Variants in PGM2 observed in about 807,000 individuals in gnomAD.
The protein encoded by PGM2 is phosphoglucomutase 2.
Under a neutral mutation model 74.6 loss-of-function variants are expected in PGM2, and 57 were observed. The ratio of observed to expected loss-of-function variants is 0.76; its 90% CI spans 0.62 to 0.95. The LOEUF (loss-of-function observed/expected upper bound fraction) is 0.95, where lower values mean the gene tolerates loss of function less well. Among genes scored for constraint, PGM2 ranks in the 40% least tolerant of loss-of-function variants. The pLI, the probability that PGM2 is intolerant of heterozygous loss-of-function variation, is 0.00. For missense variants in PGM2, 706 were observed against 741.9 expected, an observed-to-expected ratio of 0.95 and a Z score of 0.56; for synonymous variants, 273 against 260.7, an observed-to-expected ratio of 1.05 and a Z score of -0.46.
At chr4:37,847,857 G>A (rs1411793167) in intron 10 of PGM2, among the ~76,000 whole-genome samples, 1 of 152,132 alleles carries the variant, frequency 6.6e-6, no homozygotes. Context: ...TGTACCAAAC[G>A]CTTTTAGCTA....
intron 6 of PGM2, among the ~76,000 whole-genome samples, chr4:37,840,583 G>A (rs1168269194): frequency 6.6e-6 from 1 of 151,972 alleles, no homozygotes; most frequent in African/African-American, 2.4e-5. Flanking sequence ...CAAGGTGTTG[G>A]CATGTTGGCC....
At chr4:37,850,680 G>A (rs11938576) in intron 12 of PGM2, among the ~76,000 whole-genome samples, 120,049 of 151,768 alleles carry the variant, frequency 0.79, 47,967 homozygotes, top group African/African-American at 0.87. Flanking sequence ...GTTAAAAACC[G>A]CAGGCTAGAA....
intron 4 of PGM2, among the ~76,000 whole-genome samples, chr4:37,838,036 A>G (rs778586235): frequency 2.7e-4 from 41 of 151,660 alleles, no homozygotes; most frequent in South Asian, 6.3e-4. Context: ...GCCTGCCATC[A>G]CTCCCAGCTA....
chr4:37,836,442 A>C (rs905325759), intron 3 of PGM2, among the ~76,000 whole-genome samples: 3 of 152,238 alleles, frequency 2.0e-5, no homozygotes, highest in African/African-American at 7.2e-5. Context: ...GGAGATGTTT[A>C]TCCTTTAATC....
At chr4:37,829,539 A>G (rs991595226) in intron 1 of PGM2, among the ~76,000 whole-genome samples, 2 of 152,230 alleles carry the variant, frequency 1.3e-5, no homozygotes, top group Non-Finnish European at 2.9e-5. Context: ...GTAGAGAAAG[A>G]TATTTTACAT....
rs546635694 is a variant in PGM2, at chr4:37,830,268, A to G, written c.249+137A>G. 45 of 564,748 alleles carry G rather than the reference A, an allele frequency of 8.0e-5. No homozygotes were observed. The South Asian group carries it at 1.3e-3, about 17-fold the overall frequency. The allele number at this position is 564,748 out of a possible 1,614,324, so 35.0% of individuals were successfully genotyped here. On this transcript the variant is annotated intron_variant, in intron 2 of 13. Transcript: ENST00000381967. ...ACAGGAAGTCACCACCATTTACTCCATAAAGTAAGGCTTGCACAATAGGTC... is the reference window on the plus strand; with the variant it reads ...ACAGGAAGTCACCACCATTTACTCCGTAAAGTAAGGCTTGCACAATAGGTC...
At chr4:37,843,309 C>G (rs1269492421) in intron 6 of PGM2, among the ~76,000 whole-genome samples, 1 of 152,094 alleles carries the variant, frequency 6.6e-6, no homozygotes, top group Non-Finnish European at 1.5e-5. Flanking sequence ...CCAGATTTTT[C>G]TTCCCTAATC....
chr4:37,850,054 C>G (rs1368967682), intron 11 of PGM2, 130 bp from the exon 12 acceptor site: 2 of 564,116 alleles, frequency 3.5e-6, no homozygotes, highest in Non-Finnish European at 6.1e-6. Context: ...TCACAAAGTG[C>G]TGGGATTACA....
rs1211842434 is a variant in PGM2 at position 37,839,906 on chromosome 4, A to G, written c.500A>G (p.Asn167Ser). ...CAGIMITASH[N>S]PKQDNGYKVY... is the part of the protein sequence containing the mutation. The stretch of plus-strand genomic sequence containing the variant: ...GGAATCATGATAACTGCATCTCACA[A>G]TCCAAAGCAGGATAATGGTTATAAG... The change falls in exon 5 of 14, where the codon AAT becomes AGT. Residue 167 changes from asparagine to serine, a missense_variant. By Grantham distance (46) the Asn-to-Ser change is conservative (BLOSUM62 1). Around this residue, in one of 3 missense-constraint regions of PGM2, gnomAD observed 332 missense variants for 334.9 expected, o/e 0.99. Transcript: ENST00000381967. 4 of 1,603,286 alleles carry G rather than the reference A, an allele frequency of 2.5e-6. No individual in the cohort carries two copies. Among genetic ancestry groups the G allele is most frequent in the Admixed American group, 1.7e-5 (1 of 60,006 alleles).
chr4:37,837,479 G>A (rs1725597905), intron 3 of PGM2, 50 bp from the exon 4 acceptor site: 1 of 1,049,634 alleles, frequency 9.5e-7, no homozygotes, highest in Non-Finnish European at 1.5e-6. Flanking sequence ...ATCACTCACA[G>A]TCCTGATCAC....
intron 8 of PGM2, among the ~76,000 whole-genome samples, chr4:37,846,484 A>G (rs1725875290): frequency 6.6e-6 from 1 of 152,210 alleles, no homozygotes; most frequent in African/African-American, 2.4e-5. Flanking sequence ...TGTTCTGACC[A>G]TTTAGGACTG....
intron 1 of PGM2, among the ~76,000 whole-genome samples, chr4:37,827,269 C>T (rs1353746725): frequency 6.6e-6 from 1 of 152,200 alleles, no homozygotes; most frequent in Non-Finnish European, 1.5e-5. Context: ...CTGGTCCGGT[C>T]CTCCCATCCC....
intron 13 of PGM2, among the ~76,000 whole-genome samples, chr4:37,856,578 G>A (rs1032595412): frequency 6.6e-6 from 1 of 151,910 alleles, no homozygotes; most frequent in Non-Finnish European, 1.5e-5. Context: ...TCAAAAAAGT[G>A]TTTGAGTTGG....
At chr4:37,831,492 C>T (rs1725443405) in intron 2 of PGM2, among the ~76,000 whole-genome samples, 2 of 152,250 alleles carry the variant, frequency 1.3e-5, no homozygotes, top group African/African-American at 2.4e-5. Flanking sequence ...GTCTCTGCTC[C>T]ACTCAGCACC....
chr4:37,833,411 A>G (rs1261893740), intron 2 of PGM2, among the ~76,000 whole-genome samples: 1 of 152,160 alleles, frequency 6.6e-6, no homozygotes, highest in Non-Finnish European at 1.5e-5. Flanking sequence ...TTTTTTAAAA[A>G]TTAGCCAGAC....
chr4:37,847,626 T>G, intron 10 of PGM2: 1 of 297,318 alleles, frequency 3.4e-6, no homozygotes. Context: ...AACACTGTGG[T>G]ATTTAATGTC....
intron 10 of PGM2, 112 bp from the exon 11 acceptor site, chr4:37,848,410 T>C (rs1338998967): frequency 2.4e-6 from 2 of 850,630 alleles, no homozygotes. Context: ...TAATGAGAAA[T>C]GTGCATACAC....
chr4:37,854,843 A>G (rs1726149105), intron 12 of PGM2, among the ~76,000 whole-genome samples: 2 of 152,180 alleles, frequency 1.3e-5, no homozygotes, highest in South Asian at 2.1e-4. Context: ...CAATAGAACT[A>G]GGGAAGTAAA....
intron 6 of PGM2, among the ~76,000 whole-genome samples, chr4:37,840,968 A>G (rs62300674): frequency 0.27 from 38,302 of 142,632 alleles, 6,159 homozygotes; most frequent in African/African-American, 0.47. Flanking sequence ...GTGTGTGTAT[A>G]TATATATATA....
Sources: gnomAD v4.1 joint callset for allele counts (sites outside exome capture counted in the v4.1 genomes callset) on GRCh38, gnomAD v4.1.1 for gene constraint, gnomAD v4.1.1 regional missense constraint, MANE v1.5 for transcripts, NCBI Gene and HGNC (gene_info 2026-07-23, HGNC 2026-07-21) for gene names.